Variants in SBNO2 observed in about 807,000 individuals in gnomAD.
The protein encoded by SBNO2 is protein strawberry notch homolog 2.
Under a neutral mutation model 146.3 loss-of-function variants are expected in SBNO2, and 89 were observed. The observed-to-expected ratio is 0.61, with a 90% CI of 0.51 to 0.73. The LOEUF (loss-of-function observed/expected upper bound fraction) is 0.73. SBNO2 is among the 30% of genes least tolerant of loss of function. The pLI, the probability that SBNO2 is intolerant of heterozygous loss-of-function variation, is 0.00. For synonymous variants in SBNO2, 1,147 were observed against 892.6 expected (o/e 1.29, Z -5.08); for missense variants, 2,092 against 2,003.7 (o/e 1.04, Z -0.84).
At chr19:1,165,739 G>A (rs1599885356) in intron 1 of SBNO2, among the ~76,000 whole-genome samples, 1 of 118,904 alleles carries the variant, frequency 8.4e-6, no homozygotes, top group African/African-American at 3.4e-5. Context: ...TCAGACTCCA[G>A]ACCCCAGATC....
chr19:1,137,182 T>C (rs569130237), intron 4 of SBNO2, among the ~76,000 whole-genome samples: 35 of 77,136 alleles, frequency 4.5e-4, no homozygotes, highest in Admixed American at 5.7e-4. Flanking sequence ...AGGCTTGGGC[T>C]GGGGTGCGGT....
rs759331291 is a variant in SBNO2 at position 1,112,332 on chromosome 19, C to CAGGCGG, written c.2516-37_2516-32dup. ...GGCAGAGCTGCTCTCAGGGCCCGGC[C>CAGGCGG]AGGCGGGGGCGGGGCCGAGACCATG... On this transcript the variant is annotated intron_variant, in intron 21 of 31. Coordinates refer to ENST00000361757, the MANE Select transcript of SBNO2 (RefSeq NM_014963.3). The surrounding 1 kb of genome is among the most constrained non-coding windows in gnomAD (Gnocchi z 5.9). The CAGGCGG allele has an allele frequency of 1.8e-5, 28 of 1,568,856 alleles. No individual in the cohort carries two copies. In the South Asian group the frequency reaches 2.4e-4, roughly 14 times the overall value.
rs1032287678 is a variant in SBNO2, at chr19:1,157,017, C to T, written c.-126-2615G>A. Among the ~76,000 whole-genome samples the T allele has an allele frequency of 1.2e-5, 1 of 82,412 alleles. No homozygotes were observed. Among genetic ancestry groups the T allele is most frequent in the Admixed American group, 1.8e-4 (1 of 5,422 alleles). The allele number at this position is 82,412 out of a possible 152,430, so 54.1% of individuals were successfully genotyped here. On this transcript the variant is annotated intron_variant, in intron 1 of 31. Coordinates refer to ENST00000361757, the MANE Select transcript of SBNO2 (RefSeq NM_014963.3). This position sits in a 1 kb window ranked among gnomAD's most constrained non-coding sequence, Gnocchi z 6.8. Reference sequence around the variant, plus strand: ...CCGCCCACTGCCAGCCCCCCATCGCCTCCCACCCTGTCCTCGGCCATATCT... The same window carrying T: ...CCGCCCACTGCCAGCCCCCCATCGCTTCCCACCCTGTCCTCGGCCATATCT...
At chr19:1,131,123 A>G (rs1234201535) in intron 4 of SBNO2, among the ~76,000 whole-genome samples, 3 of 152,112 alleles carry the variant, frequency 2.0e-5, no homozygotes, top group Admixed American at 6.5e-5. Context: ...GAGACAGCCT[A>G]AGTCCCACCC....
chr19:1,154,215 C>A lies in SBNO2; in HGVS notation c.62G>T (p.Gly21Val). 1 of 1,257,634 alleles carries A rather than the reference C, an allele frequency of 8.0e-7. No homozygotes were observed. Among genetic ancestry groups the A allele is most frequent in the Non-Finnish European group, 1.0e-6 (1 of 1,001,216 alleles). 77.9% of individuals were successfully genotyped at this position (1,257,634 alleles called of 1,614,324 possible). Reference protein sequence around the residue: ...DYPQHEPPPAGSLLYSPPPLQ... With the variant: ...DYPQHEPPPAVSLLYSPPPLQ... The stretch of plus-strand genomic sequence containing the variant: ...GGGCGGCGGGCTGTACAGGAGGCTG[C>A]CCGCCGGCGGGGGTTCATGCTGCGG... Residue 21 changes from glycine (G) to valine (V), a missense_variant, in exon 2 of 32, where the codon GGC becomes GTC. Coordinates refer to ENST00000361757, the MANE Select transcript of SBNO2 (RefSeq NM_014963.3).
intron 1 of SBNO2, among the ~76,000 whole-genome samples, chr19:1,165,727 T>C (rs1300386945): frequency 1.4e-4 from 9 of 64,218 alleles, no homozygotes; most frequent in Admixed American, 2.0e-4. Flanking sequence ...AGACCCCAGA[T>C]CTCAGACTCC....
Position 1,110,897 on chromosome 19 carries a change from G to T in SBNO2, c.2885-9C>A, listed in dbSNP as rs567494580. 20 of 1,613,164 alleles carry T rather than the reference G, an allele frequency of 1.2e-5. No individual in the cohort carries two copies. The South Asian group carries it at 2.0e-4, about 16-fold the overall frequency. Reference sequence around the variant, plus strand: ...CTTGGTGATGGAACAGTCTGGTAGGGGAGGGAGCCAAGCCTCAGGCTGCGC... The same window carrying T: ...CTTGGTGATGGAACAGTCTGGTAGGTGAGGGAGCCAAGCCTCAGGCTGCGC... On this transcript the variant is annotated splice_polypyrimidine_tract_variant and intron_variant, in intron 25 of 31. Coordinates refer to ENST00000361757, the MANE Select transcript of SBNO2 (RefSeq NM_014963.3). The surrounding 1 kb of genome is among the most constrained non-coding windows in gnomAD (Gnocchi z 4.9).
At chr19:1,120,647 AG>A (rs1362221798) in intron 11 of SBNO2, among the ~76,000 whole-genome samples, 1 of 152,024 alleles carries the variant, frequency 6.6e-6, no homozygotes, top group Admixed American at 6.6e-5. Context: ...CTGGGATTAC[AG>A]GTGTGAGCCG....
chr19:1,122,302 G>C lies in SBNO2; in HGVS notation c.1006-20C>G, dbSNP rs2079910342. ...CTTGATCTGGGGATGCACAGAACAG[G>C]TGTGGAATGGGGCCCCGGCTCAGCA... On this transcript the variant is annotated intron_variant, in intron 10 of 31. Transcript: ENST00000361757. 3 of 1,546,320 alleles carry C rather than the reference G, an allele frequency of 1.9e-6. No individual in the cohort carries two copies. The East Asian group carries it at 6.9e-5, about 35-fold the overall frequency.
In SBNO2 at chr19:1,108,409, C is replaced by T. The variant is rs2145178677; in HGVS notation, c.3912G>A (p.Ala1304=). Residue 1304 remains alanine (A), a synonymous_variant, in exon 32 of 32, where the codon GCG becomes GCA. Coordinates refer to ENST00000361757, the MANE Select transcript of SBNO2 (RefSeq NM_014963.3). Reference sequence around the variant, plus strand: ...TGAAGTTGATGTCGCAGCCCTGGTGCGCGAGGGCCGCAGGGTCGGCCTGGG... The same window carrying T: ...TGAAGTTGATGTCGCAGCCCTGGTGTGCGAGGGCCGCAGGGTCGGCCTGGG... ...PDAQADPAAL[A]HQGCDINFKE... The T allele has an allele frequency of 2.4e-6, 3 of 1,274,918 alleles. No homozygotes were observed. The highest frequency in any genetic ancestry group is 1.9e-5 in the South Asian group (1 of 52,618). The allele number at this position is 1,274,918 out of a possible 1,614,324, so 79.0% of individuals were successfully genotyped here.
Position 1,127,745 on chromosome 19 carries a change from G to A in SBNO2, c.300C>T (p.Asp100=). The part of the protein sequence containing the change: ...DFAQDSSYFE[D]FSNISIFSSS... Reference sequence around the variant, plus strand: ...AGGAGAAGATGGAGATGTTGGAGAAGTCCTCAAAATAGGAGGAGTCCTGGA... The same window carrying A: ...AGGAGAAGATGGAGATGTTGGAGAAATCCTCAAAATAGGAGGAGTCCTGGA... The change falls in exon 5 of 32, where the codon GAC becomes GAT. Residue 100 remains aspartate, a synonymous_variant. Coordinates refer to ENST00000361757, the MANE Select transcript of SBNO2 (RefSeq NM_014963.3). 2 of 1,613,562 alleles carry A rather than the reference G, an allele frequency of 1.2e-6. No individual in the cohort carries two copies. Among genetic ancestry groups the A allele is most frequent in the South Asian group, 2.2e-5 (2 of 91,080 alleles).
intron 4 of SBNO2, among the ~76,000 whole-genome samples, chr19:1,133,038 G>A (rs1476405366): frequency 6.6e-6 from 1 of 152,206 alleles, no homozygotes; most frequent in African/African-American, 2.4e-5. Flanking sequence ...CAGGGGCCTA[G>A]ACACCGCGGG....
At chr19:1,120,641 G>A (rs982755388) in intron 11 of SBNO2, among the ~76,000 whole-genome samples, 2 of 152,130 alleles carry the variant, frequency 1.3e-5, no homozygotes, top group African/African-American at 4.8e-5. Context: ...AAAGTGCTGG[G>A]ATTACAGGTG....
At position 1,109,373 on chromosome 19, in the gene SBNO2, C is replaced by T. The variant is rs1405715860; in HGVS notation, c.3267G>A (p.Gln1089=). The change falls in exon 29 of 32, where the codon CAG becomes CAA. Residue 1089 remains glutamine, a synonymous_variant. Transcript: ENST00000361757. The surrounding 1 kb of genome is among the most constrained non-coding windows in gnomAD (Gnocchi z 4.2). ...SCLLAEQNRG[Q]FFTVYKPNIG... ...TGTTGGGCTTGTACACCGTGAAGAA[C>T]TGGCCGCGGTTCTGCTCCGCCAGCA... 1.3e-6 allele frequency: 2 copies of T among 1,579,324 alleles called. No individual in the cohort carries two copies. Among genetic ancestry groups the T allele is most frequent in the Non-Finnish European group, 1.7e-6 (2 of 1,163,660 alleles).
At chr19:1,123,675 G>T in intron 6 of SBNO2, 36 bp from the exon 7 acceptor site, 1 of 1,569,582 alleles carries the variant, frequency 6.4e-7, no homozygotes. Context: ...GAGACTGCAG[G>T]CCTGAGCGGC....
chr19:1,139,817 C>T (rs138958975), intron 4 of SBNO2, among the ~76,000 whole-genome samples: 2,068 of 151,900 alleles, frequency 0.014, 28 homozygotes, highest in Non-Finnish European at 0.021. Context: ...ATATGGTGCG[C>T]GTCTGTAATC....
chr19:1,117,381 AT>A lies in SBNO2; in HGVS notation c.1645del (p.Ile549SerfsTer59). 1 of 1,587,944 alleles carries A rather than the reference AT, an allele frequency of 6.3e-7. No individual in the cohort carries two copies. The highest frequency in any genetic ancestry group is 8.6e-7 in the Non-Finnish European group (1 of 1,168,544). ...CACCAGCCGGCGCACCTTGGCTGCG[AT>A]GCACAGATACTTGAAGAAGCGCTGG... ...AHQRFFKYLC[I>X]AAKVRRLVEL... On this transcript the variant is annotated frameshift_variant, in exon 15 of 32. Coordinates refer to ENST00000361757, the MANE Select transcript of SBNO2 (RefSeq NM_014963.3). LOFTEE classifies it high-confidence loss of function.
chr19:1,141,363 C>T (rs1039241938), intron 4 of SBNO2, among the ~76,000 whole-genome samples: 1 of 151,946 alleles, frequency 6.6e-6, no homozygotes, highest in Admixed American at 6.6e-5. Context: ...TACAGGTGCC[C>T]GCCACCATGC....
At chr19:1,159,644 G>A (rs2080325463) in intron 1 of SBNO2, among the ~76,000 whole-genome samples, 1 of 47,478 alleles carries the variant, frequency 2.1e-5, no homozygotes, top group African/African-American at 9.7e-5. Flanking sequence ...GGGGGATGGT[G>A]GGGGGACAGC....
Sources: gnomAD v4.1 joint callset for allele counts (sites outside exome capture counted in the v4.1 genomes callset) on GRCh38, gnomAD v4.1.1 for gene constraint, Gnocchi (gnomAD v3.1) non-coding constraint, MANE v1.5 for transcripts, NCBI Gene and HGNC (gene_info 2026-07-23, HGNC 2026-07-21) for gene names.